The following SLC35F4 variants were observed in gnomAD, a reference collection of about 807,000 sequenced individuals.
SLC35F4 encodes the protein chromosome 14 open reading frame 36.
A neutral mutation model predicts 44.2 loss-of-function variants in SLC35F4; 24 were observed. The observed-to-expected ratio is 0.54, with a 90% CI of 0.39 to 0.76. The LOEUF is 0.76. Among genes scored for constraint, SLC35F4 ranks in the 30% least tolerant of loss-of-function variants. The pLI, the probability that SLC35F4 is intolerant of heterozygous loss-of-function variation, is 0.00. For synonymous variants in SLC35F4, 238 were observed against 223.6 expected, an observed-to-expected ratio of 1.06 and a Z score of -0.57; for missense variants, 562 against 586.1, an observed-to-expected ratio of 0.96 and a Z score of 0.42.
intron 1 of SLC35F4, among the ~76,000 whole-genome samples, chr14:57,903,684 A>T (rs1021634568): frequency 6.6e-6 from 1 of 152,254 alleles, no homozygotes; most frequent in Admixed American, 6.5e-5. Flanking sequence ...GTCCACTGTC[A>T]TAAGACAAGA....
At chr14:57,663,893 C>T (rs910714684) in intron 1 of SLC35F4, among the ~76,000 whole-genome samples, 1 of 152,066 alleles carries the variant, frequency 6.6e-6, no homozygotes, top group African/African-American at 2.4e-5. Context: ...ACACAATCTG[C>T]AGGCATGTTT....
At chr14:57,668,810 C>A (rs567962482) in intron 1 of SLC35F4, among the ~76,000 whole-genome samples, 2 of 151,970 alleles carry the variant, frequency 1.3e-5, no homozygotes, top group African/African-American at 4.8e-5. Flanking sequence ...CTTGGCGATG[C>A]GGGCTCTTTT....
intron 1 of SLC35F4, among the ~76,000 whole-genome samples, chr14:57,631,754 A>G (rs1285189773): frequency 1.3e-5 from 2 of 152,144 alleles, no homozygotes; most frequent in Admixed American, 6.6e-5. Context: ...CTAAAAATGA[A>G]GAAGTAATAT....
intron 1 of SLC35F4, among the ~76,000 whole-genome samples, chr14:57,850,049 A>C (rs1014112902): frequency 6.6e-6 from 1 of 152,222 alleles, no homozygotes; most frequent in Non-Finnish European, 1.5e-5. Context: ...CAAATATTGA[A>C]GATACCAGCC....
At chr14:57,601,576 T>A (rs182943515) in intron 1 of SLC35F4, among the ~76,000 whole-genome samples, 1 of 152,288 alleles carries the variant, frequency 6.6e-6, no homozygotes, top group East Asian at 1.9e-4. Context: ...GAAAAAGCTT[T>A]TAATTTCTAA....
At chr14:57,933,004 C>T (rs1051270243) in intron 1 of SLC35F4, among the ~76,000 whole-genome samples, 1 of 151,438 alleles carries the variant, frequency 6.6e-6, no homozygotes, top group Non-Finnish European at 1.5e-5. Flanking sequence ...AAATCAACCT[C>T]GGAAGGTTAA....
intron 1 of SLC35F4, among the ~76,000 whole-genome samples, chr14:57,732,994 C>T (rs537630870): frequency 1.4e-4 from 21 of 152,100 alleles, no homozygotes; most frequent in African/African-American, 5.1e-4. Context: ...TTAAAGGTGA[C>T]AGGAAGGGCA....
intron 1 of SLC35F4, among the ~76,000 whole-genome samples, chr14:57,714,998 G>A (rs1415526545): frequency 1.3e-5 from 2 of 152,164 alleles, no homozygotes; most frequent in African/African-American, 4.8e-5. Flanking sequence ...TGGGAGAGGA[G>A]TCAAAGACTG....
At chr14:57,774,669 G>T (rs2077446074) in intron 1 of SLC35F4, among the ~76,000 whole-genome samples, 1 of 152,174 alleles carries the variant, frequency 6.6e-6, no homozygotes, top group African/African-American at 2.4e-5. Flanking sequence ...GCCCCTGGGG[G>T]CCTGCATCAT....
intron 1 of SLC35F4, among the ~76,000 whole-genome samples, chr14:57,737,708 G>A (rs543129986): frequency 5.4e-4 from 82 of 152,288 alleles, no homozygotes; most frequent in African/African-American, 3.4e-4. Flanking sequence ...ACTGTAAGCC[G>A]TGCTACATTG....
intron 1 of SLC35F4, among the ~76,000 whole-genome samples, chr14:57,910,643 G>A (rs1250423444): frequency 1.3e-5 from 2 of 151,912 alleles, no homozygotes; most frequent in African/African-American, 4.8e-5. Flanking sequence ...TGAACTATTT[G>A]TCTAGTCTTT....
chr14:57,676,610 A>G (rs1184766336), intron 1 of SLC35F4, among the ~76,000 whole-genome samples: 1 of 152,138 alleles, frequency 6.6e-6, no homozygotes, highest in African/African-American at 2.4e-5. Context: ...AAAGGATATG[A>G]ATAGACAATT....
intron 1 of SLC35F4, among the ~76,000 whole-genome samples, chr14:57,900,368 G>T (rs548045839): frequency 6.6e-6 from 1 of 152,278 alleles, no homozygotes; most frequent in South Asian, 2.1e-4. Context: ...TGGAGTCAGA[G>T]GGTGGAGTGA....
At chr14:57,829,446 T>C (rs1299307082) in intron 1 of SLC35F4, among the ~76,000 whole-genome samples, 1 of 152,196 alleles carries the variant, frequency 6.6e-6, no homozygotes, top group African/African-American at 2.4e-5. Flanking sequence ...TTGCTACCAC[T>C]GAGGAAAGCT....
intron 1 of SLC35F4, among the ~76,000 whole-genome samples, chr14:57,807,122 C>T (rs1881418814): frequency 6.6e-6 from 1 of 152,116 alleles, no homozygotes; most frequent in African/African-American, 2.4e-5. Context: ...GTAGTTTTTC[C>T]ATTTTCTGCC....
At chr14:57,593,527 C>T (rs1036931231) in intron 2 of SLC35F4, among the ~76,000 whole-genome samples, 2 of 152,096 alleles carry the variant, frequency 1.3e-5, no homozygotes, top group Admixed American at 6.5e-5. Flanking sequence ...ACTAACAGTC[C>T]CGATGAGGAC....
intron 1 of SLC35F4, among the ~76,000 whole-genome samples, chr14:57,631,669 T>C (rs867536732): frequency 1.3e-5 from 2 of 152,094 alleles, no homozygotes; most frequent in African/African-American, 4.8e-5. Flanking sequence ...TTTAAAGTAA[T>C]TTTGGAAAAA....
At chr14:57,596,797 A>G (rs751635649) in intron 1 of SLC35F4, 2 of 1,367,382 alleles carry the variant, frequency 1.5e-6, no homozygotes, top group Non-Finnish European at 2.0e-6. Flanking sequence ...TGGCTTCCAT[A>G]CCTCCTGTTC....
intron 3 of SLC35F4, among the ~76,000 whole-genome samples, chr14:57,588,046 C>A (rs932686421): frequency 7.5e-6 from 1 of 132,760 alleles, no homozygotes; most frequent in Admixed American, 7.4e-5. Flanking sequence ...CTTAGCCAGG[C>A]ATGGTGGCGG....
Sources: gnomAD v4.1 joint callset for allele counts (sites outside exome capture counted in the v4.1 genomes callset) on GRCh38, gnomAD v4.1.1 for gene constraint, MANE v1.5 for transcripts, NCBI Gene and HGNC (gene_info 2026-07-23, HGNC 2026-07-21) for gene names.